RBL2: variants seen among roughly 807,000 people sequenced by gnomAD.
RBL2 encodes retinoblastoma-like protein 2.
In RBL2, 56 loss-of-function variants were observed where a neutral mutation model predicts 126.0. The observed-to-expected ratio is 0.44, with a 90% CI of 0.36 to 0.56. The LOEUF is 0.56. Among genes scored for constraint, RBL2 ranks in the 20% least tolerant of loss-of-function variants. The probability of loss-of-function intolerance (pLI) is 0.00; values close to 1 mark genes in which losing one functional copy is unlikely to be tolerated. For missense variants in RBL2, 1,229 were observed against 1,398.2 expected (o/e 0.88, Z 1.93); for synonymous variants, 454 against 478.5 (o/e 0.95, Z 0.67).
chr16:53,452,235 C>G (rs1476375352), intron 5 of RBL2, among the ~76,000 whole-genome samples: 1 of 151,986 alleles, frequency 6.6e-6, no homozygotes, highest in Non-Finnish European at 1.5e-5. Flanking sequence ...AGTTATGGTT[C>G]TAAAATAAAG....
At chr16:53,438,918 AATATAAAC>A in intron 1 of RBL2, 90 bp from the exon 2 acceptor site, 3 of 843,904 alleles carry the variant, frequency 3.6e-6, no homozygotes, top group Non-Finnish European at 4.9e-6. Flanking sequence ...TTCCCACAAA[AATATAAAC>A]AACACTTTCA....
intron 1 of RBL2, among the ~76,000 whole-genome samples, chr16:53,437,765 C>T (rs886289964): frequency 2.6e-5 from 4 of 151,948 alleles, no homozygotes; most frequent in African/African-American, 7.3e-5. Context: ...CAGGGGCTCA[C>T]GCCTGTAATC....
intron 7 of RBL2, 175 bp from the exon 8 acceptor site, chr16:53,454,481 A>T: frequency 1.7e-6 from 1 of 580,734 alleles, no homozygotes; most frequent in South Asian, 2.1e-5. Flanking sequence ...GGGATTACAG[A>T]CGGGAGCTAC....
intron 12 of RBL2, chr16:53,464,611 C>G (rs901687106): frequency 1.3e-5 from 4 of 299,306 alleles, no homozygotes; most frequent in Non-Finnish European, 2.4e-5. Flanking sequence ...TTTTAGAATA[C>G]TGTGATTTTT....
intron 21 of RBL2, among the ~76,000 whole-genome samples, chr16:53,482,308 G>C (rs1475089074): frequency 1.3e-5 from 2 of 152,208 alleles, no homozygotes; most frequent in Admixed American, 6.5e-5. Context: ...TTCTAAGAAG[G>C]GGAAGGAAGC....
rs1598111458 is a variant in RBL2, at chr16:53,464,465, T to C, written c.1698+102T>C. On this transcript the variant is annotated intron_variant, in intron 12 of 21. Transcript: ENST00000262133. ...TTAACATCTAAGAACATTTATTCTG[T>C]TTTTATTTACATAGTTAATCTCTAT... is the stretch of plus-strand genomic sequence containing the variant. The C allele has an allele frequency of 1.8e-5, 18 of 1,025,126 alleles. No homozygotes were observed. In the East Asian group the frequency reaches 4.7e-4, roughly 27 times the overall value. The allele number at this position is 1,025,126 out of a possible 1,614,324, so 63.5% of individuals were successfully genotyped here.
intron 4 of RBL2, 83 bp from the exon 5 acceptor site, chr16:53,451,620 C>T (rs2058115486): frequency 1.4e-6 from 2 of 1,459,254 alleles, no homozygotes; most frequent in African/African-American, 1.4e-5. Context: ...TTTGTAATGT[C>T]ATAATAAGTA....
intron 19 of RBL2, 98 bp from the exon 20 acceptor site, chr16:53,480,469 T>C (rs1247661677): frequency 1.0e-6 from 1 of 955,004 alleles, no homozygotes; most frequent in Non-Finnish European, 1.6e-6. Context: ...TATTAGCAAG[T>C]AGTGCAGGTA....
At position 53,470,773 on chromosome 16, in the gene RBL2, C is replaced by A. The variant is rs368471114; in HGVS notation, c.2554C>A (p.Arg852=). The A allele has an allele frequency of 1.9e-6, 3 of 1,614,106 alleles. No individual in the cohort carries two copies. Among genetic ancestry groups the A allele is most frequent in the Non-Finnish European group, 2.5e-6 (3 of 1,180,000 alleles). Reference sequence around the variant, plus strand: ...ATACCATTTAGCAGCTGTCCGCCTTCGGGATCTCTGTGCCAAACTAGATAT... The same window carrying A: ...ATACCATTTAGCAGCTGTCCGCCTTAGGGATCTCTGTGCCAAACTAGATAT... ...KVYHLAAVRL[R]DLCAKLDISD... The change falls in exon 17 of 22, where the codon CGG becomes AGG. Residue 852 remains arginine, a synonymous_variant. Transcript: ENST00000262133.
rs967765512 is a variant in RBL2 at position 53,453,608 on chromosome 16, A to G, written c.923A>G (p.Lys308Arg). The G allele has an allele frequency of 6.2e-6, 10 of 1,606,028 alleles. No homozygotes were observed. In the African/African-American group the frequency reaches 6.7e-5, roughly 11 times the overall value. Residue 308 changes from lysine (K) to arginine (R), a missense_variant, in exon 6 of 22, where the codon AAA (lysine) becomes AGA (arginine). Coordinates refer to ENST00000262133, the MANE Select transcript of RBL2 (RefSeq NM_005611.4). Reference protein sequence around the residue: ...WKPYIRKLYEKKLLKGKEENL... With the variant: ...WKPYIRKLYERKLLKGKEENL... ...CCCTATATTAGGAAACTTTATGAAA[A>G]AAAGGTTTGTAAGTAGCAAAGAAAT...
chr16:53,455,382 A>T (rs971288454), intron 8 of RBL2, among the ~76,000 whole-genome samples: 3 of 152,218 alleles, frequency 2.0e-5, no homozygotes, highest in Non-Finnish European at 1.5e-5. Context: ...ACACTGGGTA[A>T]TCCAAGGGCC....
chr16:53,435,652 T>G, intron 1 of RBL2: 1 of 1,288,294 alleles, frequency 7.8e-7, no homozygotes, highest in Non-Finnish European at 1.0e-6. Context: ...GTGTGGCATT[T>G]AAACCTGAGG....
In RBL2 at chr16:53,453,573, T is replaced by G; in HGVS notation, c.888T>G (p.His296Gln). Residue 296 changes from histidine to glutamine, a missense_variant, in exon 6 of 22, where the codon CAT becomes CAG. His to Gln is a conservative substitution (Grantham distance 24). Coordinates refer to ENST00000262133, the MANE Select transcript of RBL2 (RefSeq NM_005611.4). ...TGGAAGCAAAGGGGATAAAGGAACATTTCTGGAAACCCTATATTAGGAAAC... is the reference window on the plus strand; with the variant it reads ...TGGAAGCAAAGGGGATAAAGGAACAGTTCTGGAAACCCTATATTAGGAAAC... ...LVLEAKGIKE[H>Q]FWKPYIRKLY... The G allele has an allele frequency of 6.2e-7, 1 of 1,613,380 alleles. No individual in the cohort carries two copies. The highest frequency in any genetic ancestry group is 8.5e-7 in the Non-Finnish European group (1 of 1,179,554).
At chr16:53,489,997 A>C in intron 21 of RBL2, 133 bp from the exon 22 acceptor site, 1 of 616,120 alleles carries the variant, frequency 1.6e-6, no homozygotes, top group Non-Finnish European at 2.4e-6. Context: ...TATGTAACTT[A>C]GTGTTTCTTT....
chr16:53,450,538 C>T (rs569071941), intron 4 of RBL2, among the ~76,000 whole-genome samples: 1 of 152,182 alleles, frequency 6.6e-6, no homozygotes, highest in African/African-American at 2.4e-5. Flanking sequence ...TATAAAATAA[C>T]TAGAAATAAT....
At chr16:53,447,763 G>C (rs1025358949) in intron 4 of RBL2, among the ~76,000 whole-genome samples, 4 of 151,928 alleles carry the variant, frequency 2.6e-5, no homozygotes, top group African/African-American at 9.7e-5. Flanking sequence ...TCCTGCCTCA[G>C]CCTCCCGAAT....
At position 53,459,980 on chromosome 16, in the gene RBL2, C is replaced by CCTCTTCATACTTACTTACTTA. The variant is rs1427392527; in HGVS notation, c.1346+365_1346+366insCTTCATACTTACTTACTTACT. Among the ~76,000 whole-genome samples the CCTCTTCATACTTACTTACTTA allele has an allele frequency of 2.0e-5, 3 of 152,010 alleles. No homozygotes were observed. In the East Asian group the frequency reaches 5.8e-4, roughly 29 times the overall value. On this transcript the variant is annotated intron_variant, in intron 9 of 21. Coordinates refer to ENST00000262133, the MANE Select transcript of RBL2 (RefSeq NM_005611.4). ...AAAGGACTTTATGAAGAGGGTTGAA[C>CCTCTTCATACTTACTTACTTA]CTGAGGTAAGTTCTGAAGGGTGACT...
intron 17 of RBL2, 83 bp downstream of exon 17, chr16:53,471,005 T>G: frequency 7.3e-7 from 1 of 1,360,792 alleles, no homozygotes; most frequent in Non-Finnish European, 1.0e-6. Context: ...GAGATACAGT[T>G]TACATGCTCT....
Position 53,490,401 on chromosome 16 carries a change from A to G in RBL2, c.*101A>G. ...TTTTCCTTAATCCAGCTGATGAGTT[A>G]CAGCCTGTTAGTAACATGAGGGGAC... On this transcript the variant is annotated 3_prime_UTR_variant, in exon 22 of 22. Coordinates refer to ENST00000262133, the MANE Select transcript of RBL2 (RefSeq NM_005611.4). 1 of 1,059,976 alleles carries G rather than the reference A, an allele frequency of 9.4e-7. No homozygotes were observed. The highest frequency in any genetic ancestry group is 1.3e-6 in the Non-Finnish European group (1 of 757,080). The allele number at this position is 1,059,976 out of a possible 1,614,324, so 65.7% of individuals were successfully genotyped here. A position where few individuals can be genotyped will look rare whatever the true frequency, so the allele number is the denominator to read the frequency against.
Sources: gnomAD v4.1 joint callset for allele counts (sites outside exome capture counted in the v4.1 genomes callset) on GRCh38, gnomAD v4.1.1 for gene constraint, MANE v1.5 for transcripts, NCBI Gene and HGNC (gene_info 2026-07-23, HGNC 2026-07-21) for gene names.